SPAG6: variants seen among roughly 807,000 people sequenced by gnomAD.
SPAG6 encodes the protein sperm associated antigen 6, also known as sperm-associated antigen 6.
A neutral mutation model predicts 58.5 loss-of-function variants in SPAG6; 49 were observed. The ratio of observed to expected loss-of-function variants is 0.84; its 90% CI spans 0.67 to 1.06. The LOEUF (loss-of-function observed/expected upper bound fraction) is 1.06, where lower values mean the gene tolerates loss of function less well. Ranked by LOEUF, SPAG6 falls within the 50% of genes least tolerant of loss-of-function variation. The pLI, the probability that SPAG6 is intolerant of heterozygous loss-of-function variation, is 0.00. For synonymous variants in SPAG6, 233 were observed against 225.6 expected, an observed-to-expected ratio of 1.03 and a Z score of -0.29; for missense variants, 560 against 611.3, an observed-to-expected ratio of 0.92 and a Z score of 0.89.
Position 22,401,197 on chromosome 10 carries a change from A to G in SPAG6, c.1234A>G (p.Thr412Ala). 1 of 1,603,538 alleles carries G rather than the reference A, an allele frequency of 6.2e-7. No homozygotes were observed. The highest frequency in any genetic ancestry group is 8.5e-7 in the Non-Finnish European group (1 of 1,170,590). The part of the protein sequence containing the change: ...KAIKNILQKC[T>A]YLPALEPFLY... ...CATAAAGAATATCCTGCAAAAATGT[A>G]CCTACTTACCAGCCCTTGAACCATT... Residue 412 changes from threonine to alanine, a missense_variant, in exon 9 of 11, where the codon ACC becomes GCC. Transcript: ENST00000376624.
At chr10:22,367,265 A>G (rs1837226327) in intron 3 of SPAG6, among the ~76,000 whole-genome samples, 1 of 152,160 alleles carries the variant, frequency 6.6e-6, no homozygotes. Context: ...AAAATAATCT[A>G]TGGAAACCTA....
At chr10:22,392,721 A>G (rs1262766695) in intron 8 of SPAG6, among the ~76,000 whole-genome samples, 1 of 152,100 alleles carries the variant, frequency 6.6e-6, no homozygotes, top group East Asian at 1.9e-4. Context: ...CAAATAGGAA[A>G]ACAATTTGGT....
rs1836500658 is a variant in SPAG6 at position 22,345,680 on chromosome 10, G to T, written c.26-43G>T. On this transcript the variant is annotated intron_variant, in intron 1 of 10. Coordinates refer to ENST00000376624, the MANE Select transcript of SPAG6 (RefSeq NM_012443.4). The surrounding 1 kb of genome is among the most constrained non-coding windows in gnomAD (Gnocchi z 6.3). ...GGTGCCCTAACTAGCTGGCGCCGAG[G>T]AGACCCGGGTGCGGTGGGCTCCACC... is the stretch of plus-strand genomic sequence containing the variant. 2 of 1,586,068 alleles carry T rather than the reference G, an allele frequency of 1.3e-6. No homozygotes were observed. The highest frequency in any genetic ancestry group is 3.6e-5 in the Admixed American group (2 of 55,936).
intron 9 of SPAG6, among the ~76,000 whole-genome samples, chr10:22,409,866 G>T (rs181225248): frequency 8.5e-4 from 129 of 151,994 alleles, no homozygotes; most frequent in African/African-American, 2.9e-3. Context: ...AAGTCTCCCT[G>T]ATCCTAAGAT....
At chr10:22,389,026 T>G in intron 6 of SPAG6, 134 bp from the exon 7 acceptor site, 1 of 657,970 alleles carries the variant, frequency 1.5e-6, no homozygotes, top group Non-Finnish European at 2.4e-6. Context: ...CTTTAATAAA[T>G]ATAATAATTT....
At chr10:22,415,329 A>C (rs146619408) in intron 10 of SPAG6, among the ~76,000 whole-genome samples, 85 of 151,994 alleles carry the variant, frequency 5.6e-4, no homozygotes, top group Non-Finnish European at 9.4e-4. Context: ...AAAGATATTT[A>C]AAAATCTACC....
chr10:22,380,768 A>G (rs1833934032), intron 4 of SPAG6, among the ~76,000 whole-genome samples: 1 of 152,216 alleles, frequency 6.6e-6, no homozygotes, highest in Non-Finnish European at 1.5e-5. Context: ...GTATTTTTTA[A>G]TGAAACAAAA....
Position 22,392,912 on chromosome 10 carries a change from G to T in SPAG6, c.1197+992G>T, listed in dbSNP as rs182720302. Reference sequence around the variant, plus strand: ...TCTACTAATGCATTGAGAGAAATTGGTTTCTAAGATTTAACTTTTTTTTTC... The same window carrying T: ...TCTACTAATGCATTGAGAGAAATTGTTTTCTAAGATTTAACTTTTTTTTTC... On this transcript the variant is annotated intron_variant, in intron 8 of 10. Coordinates refer to ENST00000376624, the MANE Select transcript of SPAG6 (RefSeq NM_012443.4). Among the ~76,000 whole-genome samples, 3 of 152,054 alleles carry T rather than the reference G, an allele frequency of 2.0e-5. No homozygotes were observed. In the East Asian group the frequency reaches 5.8e-4, roughly 29 times the overall value.
intron 2 of SPAG6, among the ~76,000 whole-genome samples, chr10:22,358,885 GA>G (rs1836950585): frequency 6.6e-6 from 1 of 152,072 alleles, no homozygotes; most frequent in Non-Finnish European, 1.5e-5. Flanking sequence ...AATCTTCCTA[GA>G]ACTTTAGAAA....
At chr10:22,413,480 C>G (rs7921358) in intron 10 of SPAG6, among the ~76,000 whole-genome samples, 3 of 151,630 alleles carry the variant, frequency 2.0e-5, no homozygotes, top group Admixed American at 2.0e-4. Flanking sequence ...TTGCAGTGAG[C>G]CGAGATTGTG....
chr10:22,404,765 T>C (rs1165811566), intron 9 of SPAG6, among the ~76,000 whole-genome samples: 1 of 150,132 alleles, frequency 6.7e-6, no homozygotes, highest in African/African-American at 2.5e-5. Context: ...TTCCTACCCA[T>C]GAGCATGGAA....
At chr10:22,408,965 G>A (rs962122074) in intron 9 of SPAG6, among the ~76,000 whole-genome samples, 4 of 152,282 alleles carry the variant, frequency 2.6e-5, no homozygotes, top group South Asian at 2.1e-4. Flanking sequence ...TGCGCTTCCC[G>A]AGTGAGGCAA....
intron 4 of SPAG6, among the ~76,000 whole-genome samples, chr10:22,386,245 T>TA (rs1378479443): frequency 6.6e-6 from 1 of 152,190 alleles, no homozygotes; most frequent in Non-Finnish European, 1.5e-5. Flanking sequence ...ATGAAATTTT[T>TA]AAAAAATCTT....
At chr10:22,354,116 G>A (rs1325865013) in intron 2 of SPAG6, among the ~76,000 whole-genome samples, 1 of 152,208 alleles carries the variant, frequency 6.6e-6, no homozygotes, top group Non-Finnish European at 1.5e-5. Flanking sequence ...TTAATTGGAA[G>A]AGTCATGGGA....
chr10:22,379,939 C>T (rs1383192490), intron 4 of SPAG6, among the ~76,000 whole-genome samples: 1 of 152,174 alleles, frequency 6.6e-6, no homozygotes, highest in Non-Finnish European at 1.5e-5. Flanking sequence ...AGACTACAGG[C>T]ACGTGCCACC....
intron 3 of SPAG6, among the ~76,000 whole-genome samples, chr10:22,365,501 C>T (rs7920038): frequency 0.15 from 22,410 of 152,118 alleles, 4,862 homozygotes; most frequent in African/African-American, 0.48. Context: ...TATAGGCATG[C>T]CAACTCTGTT....
chr10:22,396,718 G>A (rs1050684047), intron 8 of SPAG6, among the ~76,000 whole-genome samples: 1 of 151,662 alleles, frequency 6.6e-6, no homozygotes, highest in Non-Finnish European at 1.5e-5. Context: ...AAAAAAAATA[G>A]TGTTGTTACT....
At chr10:22,346,282 T>C (rs987693867) in intron 2 of SPAG6, among the ~76,000 whole-genome samples, 14 of 151,996 alleles carry the variant, frequency 9.2e-5, no homozygotes, top group Non-Finnish European at 1.5e-5. Flanking sequence ...AAATTCCAAG[T>C]AGGTAGAGAC....
chr10:22,403,577 T>C lies in SPAG6; in HGVS notation c.1314+2300T>C, dbSNP rs541913569. On this transcript the variant is annotated intron_variant, in intron 9 of 10. Coordinates refer to ENST00000376624, the MANE Select transcript of SPAG6 (RefSeq NM_012443.4). ...GGTTCCAAGTCTTTGCTATTGTGAA[T>C]AGTGCCACAATAAACATACGTGTGC... is the stretch of plus-strand genomic sequence containing the variant. Among the ~76,000 whole-genome samples the C allele has an allele frequency of 4.0e-5, 6 of 150,788 alleles. No homozygotes were observed. In the East Asian group the frequency reaches 1.2e-3, roughly 29 times the overall value.
Sources: allele counts gnomAD v4.1 joint callset (sites outside exome capture counted in the v4.1 genomes callset), GRCh38; gene constraint gnomAD v4.1.1; non-coding constraint Gnocchi (gnomAD v3.1); transcripts MANE v1.5; gene names NCBI Gene and HGNC (gene_info 2026-07-23, HGNC 2026-07-21).